Variants in EIF4G2 observed in about 807,000 individuals in gnomAD.
EIF4G2 encodes eukaryotic translation initiation factor 4 gamma 2.
EIF4G2 carries 8 observed loss-of-function variants against 117.7 expected under a neutral mutation model. The observed-to-expected ratio is 0.07, with a 90% CI of 0.04 to 0.12. The LOEUF (loss-of-function observed/expected upper bound fraction) is 0.12, where lower values mean the gene tolerates loss of function less well. Ranked by LOEUF, EIF4G2 falls within the 10% of genes least tolerant of loss-of-function variation. EIF4G2 has a pLI of 1.00. For synonymous variants in EIF4G2, 413 were observed against 367.8 expected, an observed-to-expected ratio of 1.12 and a Z score of -1.41; for missense variants, 812 against 1,086.2, an observed-to-expected ratio of 0.75 and a Z score of 3.55.
At chr11:10,807,910 T>C (rs1590046611) in intron 1 of EIF4G2, 19 of 1,015,674 alleles carry the variant, frequency 1.9e-5, no homozygotes, top group South Asian at 3.5e-5. Flanking sequence ...GGCCACAACA[T>C]GGCAGCAGGA....
At chr11:10,798,746 TGTATATAA>T (rs1295125302) in intron 21 of EIF4G2, 1 of 361,912 alleles carries the variant, frequency 2.8e-6, no homozygotes, top group Non-Finnish European at 4.9e-6. Context: ...GTCACTCCCA[TGTATATAA>T]GTAGCTATAC....
In EIF4G2 at chr11:10,797,776, A is replaced by T; in HGVS notation, c.*40T>A. 1 of 1,602,710 alleles carries T rather than the reference A, an allele frequency of 6.2e-7. No homozygotes were observed. Among genetic ancestry groups the T allele is most frequent in the South Asian group, 1.1e-5 (1 of 90,412 alleles). ...AGGTCAAATGCAGTTACATCATAGC[A>T]ACAGTATGTTTTGCACAATTTAAGG... On this transcript the variant is annotated 3_prime_UTR_variant, in exon 22 of 22. Transcript: ENST00000339995. This position sits in a 1 kb window ranked among gnomAD's most constrained non-coding sequence, Gnocchi z 4.5.
Position 10,797,620 on chromosome 11 carries a change from A to T in EIF4G2, c.*196T>A. The T allele has an allele frequency of 5.0e-6, 3 of 595,866 alleles. No homozygotes were observed. Among genetic ancestry groups the T allele is most frequent in the South Asian group, 4.2e-5 (2 of 47,582 alleles). 36.9% of individuals were successfully genotyped at this position (595,866 alleles called of 1,614,324 possible). On this transcript the variant is annotated 3_prime_UTR_variant, in exon 22 of 22. Coordinates refer to ENST00000339995, the MANE Select transcript of EIF4G2 (RefSeq NM_001418.4). This position sits in a 1 kb window ranked among gnomAD's most constrained non-coding sequence, Gnocchi z 4.5. The stretch of plus-strand genomic sequence containing the variant: ...TCTAAACATTAAAGATACTCCTAAA[A>T]TATTTGATGGTAGACTATGATTAAG...
intron 21 of EIF4G2, among the ~76,000 whole-genome samples, chr11:10,798,234 G>A (rs998281232): frequency 6.6e-6 from 1 of 152,146 alleles, no homozygotes; most frequent in African/African-American, 2.4e-5. Flanking sequence ...AGAATCTCTA[G>A]GAATAGGCCT....
At position 10,806,817 on chromosome 11, in the gene EIF4G2, C is replaced by T. The variant is rs377441708; in HGVS notation, c.107+3G>A. 2 of 1,614,118 alleles carry T rather than the reference C, an allele frequency of 1.2e-6. No individual in the cohort carries two copies. Among genetic ancestry groups the T allele is most frequent in the South Asian group, 2.2e-5 (2 of 91,086 alleles). ...TCACTGTTTTTTTACATGTTTACCA[C>T]ACCTGTTGCCAGCAGTCTTGGGATA... is the stretch of plus-strand genomic sequence containing the variant. On this transcript the variant is annotated splice_donor_region_variant and intron_variant, in intron 3 of 21. Coordinates refer to ENST00000339995, the MANE Select transcript of EIF4G2 (RefSeq NM_001418.4).
At position 10,800,681 on chromosome 11, in the gene EIF4G2, C is replaced by T. The variant is rs182112836; in HGVS notation, c.1645-34G>A. On this transcript the variant is annotated intron_variant, in intron 16 of 21. Coordinates refer to ENST00000339995, the MANE Select transcript of EIF4G2 (RefSeq NM_001418.4). ...AACACAAGTATCTTTAATGTATTCT[C>T]TATCTCAAATACAGGCTAATTACAC... The T allele has an allele frequency of 7.0e-3, 11,361 of 1,613,502 alleles. 54 individuals carry two copies. The highest frequency in any genetic ancestry group is 8.7e-3 in the Non-Finnish European group (10,319 of 1,179,490).
chr11:10,808,408 C>G lies in EIF4G2; in HGVS notation c.-87+297G>C, dbSNP rs753624966. On this transcript the variant is annotated intron_variant, in intron 1 of 21. Coordinates refer to ENST00000339995, the MANE Select transcript of EIF4G2 (RefSeq NM_001418.4). ...GTCCGAGCCACGCTCCCTCGCCGTC[C>G]GAGCACAGCCGTGCCTCGGTCCGCC... 9.0e-5 allele frequency: 113 copies of G among 1,254,050 alleles called. 1 individual carries two copies. The highest frequency in any genetic ancestry group is 1.0e-4 in the Non-Finnish European group (99 of 973,416). The allele number at this position is 1,254,050 out of a possible 1,614,324, so 77.7% of individuals were successfully genotyped here. A position where few individuals can be genotyped will look rare whatever the true frequency, so the allele number is the denominator to read the frequency against.
intron 5 of EIF4G2, 199 bp from the exon 6 acceptor site, chr11:10,804,617 G>T: frequency 1.5e-6 from 1 of 680,910 alleles, no homozygotes; most frequent in Non-Finnish European, 2.4e-6. Context: ...TACATAAACT[G>T]TCATACAATG....
rs540101863 is a variant in EIF4G2 at position 10,799,498 on chromosome 11, G to A, written c.2324+54C>T. 2.0e-4 allele frequency: 323 copies of A among 1,608,664 alleles called. 5 individuals carry two copies. In the South Asian group the frequency reaches 3.2e-3, roughly 16 times the overall value. On this transcript the variant is annotated intron_variant, in intron 19 of 21. Coordinates refer to ENST00000339995, the MANE Select transcript of EIF4G2 (RefSeq NM_001418.4). ...CAAGAGACAACTCTTAGTCTCCTAC[G>A]CTTCTTTTCCAGTACATGAAACATT...
chr11:10,803,865 G>A lies in EIF4G2; in HGVS notation c.702+34C>T. 1 of 1,593,736 alleles carries A rather than the reference G, an allele frequency of 6.3e-7. No individual in the cohort carries two copies. Among genetic ancestry groups the A allele is most frequent in the Non-Finnish European group, 8.6e-7 (1 of 1,166,822 alleles). On this transcript the variant is annotated intron_variant, in intron 8 of 21. Coordinates refer to ENST00000339995, the MANE Select transcript of EIF4G2 (RefSeq NM_001418.4). The surrounding 1 kb of genome is among the most constrained non-coding windows in gnomAD (Gnocchi z 4.0). ...ATTGACTCATTTCCTCCAAACGACT[G>A]ACTACATTCGCCTAACTTCCCTGTC...
At chr11:10,801,827 T>C (rs551579662) in intron 13 of EIF4G2, 53 bp from the exon 14 acceptor site, 3 of 1,546,576 alleles carry the variant, frequency 1.9e-6, no homozygotes, top group African/African-American at 1.4e-5. Context: ...CCACAAATTA[T>C]GGTAATCAAG....
Position 10,807,316 on chromosome 11 carries a change from G to A in EIF4G2, c.-21C>T, listed in dbSNP as rs1564985872. 4 of 1,493,560 alleles carry A rather than the reference G, an allele frequency of 2.7e-6. No individual in the cohort carries two copies. Among genetic ancestry groups the A allele is most frequent in the Admixed American group, 1.8e-5 (1 of 56,062 alleles). 92.5% of individuals were successfully genotyped at this position (1,493,560 alleles called of 1,614,324 possible). ...TCCACTTTGGCGGCTTGACAACGAA[G>A]AATCTTCAAAAGAATAATATTAATA... On this transcript the variant is annotated 5_prime_UTR_variant, in exon 2 of 22. Transcript: ENST00000339995.
chr11:10,800,185 A>G lies in EIF4G2; in HGVS notation c.2024T>C (p.Leu675Pro). ...TTTAGCTAACTGCTGAAGACAAAGT[A>G]GGAAGAGAGGAAAATGGGTGCCACT... The change falls in exon 18 of 22, where the codon CTA (leucine) becomes CCA (proline). Residue 675 changes from leucine (L) to proline (P), a missense_variant. Around this residue, in one of 4 missense-constraint regions of EIF4G2, gnomAD observed 571 missense variants for 642.3 expected, o/e 0.89. Transcript: ENST00000339995. 4.3e-6 allele frequency: 7 copies of G among 1,614,222 alleles called. No homozygotes were observed. The highest frequency in any genetic ancestry group is 5.1e-6 in the Non-Finnish European group (6 of 1,180,036).
Position 10,801,656 on chromosome 11 carries a change from T to C in EIF4G2, c.1413+5A>G, listed in dbSNP as rs944691822. 3 of 1,612,806 alleles carry C rather than the reference T, an allele frequency of 1.9e-6. No homozygotes were observed. The highest frequency in any genetic ancestry group is 1.3e-5 in the African/African-American group (1 of 74,902). On this transcript the variant is annotated splice_donor_5th_base_variant and intron_variant, in intron 14 of 21. Coordinates refer to ENST00000339995, the MANE Select transcript of EIF4G2 (RefSeq NM_001418.4). ...ATGGTATATAAGTAACATAGGCAAA[T>C]GTACCTCATCTGCATTAAGCTGTCC...
At position 10,800,617 on chromosome 11, in the gene EIF4G2, C is replaced by T; in HGVS notation, c.1675G>A (p.Gly559Arg). 6.2e-7 allele frequency: 1 copy of T among 1,614,136 alleles called. No homozygotes were observed. The change falls in exon 17 of 22, where the codon GGA becomes AGA. Residue 559 changes from glycine to arginine, a missense_variant. Transcript: ENST00000339995. ...CCATTGACAGCCTCATTTGCATTTCCACTATTTAGATATTCAGTCACAACA... is the reference window on the plus strand; with the variant it reads ...CCATTGACAGCCTCATTTGCATTTCTACTATTTAGATATTCAGTCACAACA...
intron 18 of EIF4G2, 24 bp from the exon 19 acceptor site, chr11:10,799,780 T>G: frequency 6.2e-7 from 1 of 1,605,562 alleles, no homozygotes; most frequent in South Asian, 1.1e-5. Context: ...GCCACCTGCA[T>G]CATCTAATAG....
In EIF4G2 at chr11:10,804,059, G is replaced by A. The variant is rs775657649; in HGVS notation, c.551-9C>T. The A allele has an allele frequency of 9.4e-5, 151 of 1,613,128 alleles. No homozygotes were observed. The highest frequency in any genetic ancestry group is 1.2e-4 in the Non-Finnish European group (144 of 1,179,398). On this transcript the variant is annotated splice_polypyrimidine_tract_variant and intron_variant, in intron 7 of 21. Coordinates refer to ENST00000339995, the MANE Select transcript of EIF4G2 (RefSeq NM_001418.4). ...TTCACGCTTATCATAGACTGAAAAA[G>A]ATACCAATGAAGTAAGCCAACATTC...
In EIF4G2 at chr11:10,797,333, G is replaced by C; in HGVS notation, c.*483C>G. The C allele has an allele frequency of 6.4e-6, 1 of 155,486 alleles. No homozygotes were observed. The highest frequency in any genetic ancestry group is 1.9e-4 in the East Asian group (1 of 5,250). The allele number at this position is 155,486 out of a possible 1,614,324, so 9.6% of individuals were successfully genotyped here. On this transcript the variant is annotated 3_prime_UTR_variant, in exon 22 of 22. Coordinates refer to ENST00000339995, the MANE Select transcript of EIF4G2 (RefSeq NM_001418.4). This position sits in a 1 kb window ranked among gnomAD's most constrained non-coding sequence, Gnocchi z 4.5. ...CTAGCACATAAAGCCCATTACTAGA[G>C]GTAGAAATACAGGCAATATACTATT...
At chr11:10,808,473 C>T in intron 1 of EIF4G2, 1 of 1,256,714 alleles carries the variant, frequency 8.0e-7, no homozygotes, top group Non-Finnish European at 1.0e-6. Context: ...CCGGCCATGA[C>T]CGCACGGCGG....
Sources: gnomAD v4.1 joint callset for allele counts (sites outside exome capture counted in the v4.1 genomes callset) on GRCh38, gnomAD v4.1.1 for gene constraint, gnomAD v4.1.1 regional missense constraint, Gnocchi (gnomAD v3.1) non-coding constraint, MANE v1.5 for transcripts, NCBI Gene and HGNC (gene_info 2026-07-23, HGNC 2026-07-21) for gene names.